Variants in PPP1R1A observed in about 807,000 individuals in gnomAD.
PPP1R1A encodes the protein protein phosphatase 1 regulatory inhibitor subunit 1A.
A neutral mutation model predicts 23.9 loss-of-function variants in PPP1R1A; 18 were observed. The observed-to-expected ratio is 0.75, with a 90% CI of 0.52 to 1.12. The LOEUF is 1.12. PPP1R1A is among the 50% of genes most tolerant of loss of function. The pLI, the probability that PPP1R1A is intolerant of heterozygous loss-of-function variation, is 0.00. For synonymous variants in PPP1R1A, 84 were observed against 80.7 expected (o/e 1.04, Z -0.22); for missense variants, 207 against 223.8 (o/e 0.92, Z 0.48).
rs202211027 is a variant in PPP1R1A at position 54,582,069 on chromosome 12, C to T, written c.310G>A (p.Ala104Thr). The T allele has an allele frequency of 1.2e-3, 1,933 of 1,613,788 alleles. 5 individuals are homozygous for T. Among genetic ancestry groups the T allele is most frequent in the Non-Finnish European group, 1.5e-3 (1,784 of 1,179,804 alleles). ...QQQQGEEPEGAAESTGTQESR... is the reference protein window; with the variant it reads ...QQQQGEEPEGTAESTGTQESR... ...TCCTGGGTTCCTGTGCTCTCAGCGG[C>T]CCCCTCAGGTTCCTCTCCTTGCTGC... The change falls in exon 5 of 7, where the codon GCC (alanine) becomes ACC (threonine). Residue 104 changes from alanine (A) to threonine (T), a missense_variant. Physicochemically the swap from Ala to Thr is moderately conservative, Grantham distance 58. Transcript: ENST00000257905.
In PPP1R1A at chr12:54,580,976, T is replaced by C; in HGVS notation, c.478A>G (p.Ile160Val). ...GCTCCCTTGGAATCCAGTGGTGGTA[T>C]ATGGGTTGAGGGTTCTTTTGTGCTG... Reference protein sequence around the residue: ...EPSTKEPSTHIPPLDSKGANS... With the variant: ...EPSTKEPSTHVPPLDSKGANS... The change falls in exon 6 of 7, where the codon ATA (isoleucine) becomes GTA (valine). Residue 160 changes from isoleucine (I) to valine (V), a missense_variant. By Grantham distance (29) the Ile-to-Val change is conservative (BLOSUM62 3). Coordinates refer to ENST00000257905, the MANE Select transcript of PPP1R1A (RefSeq NM_006741.4). 1 of 1,613,954 alleles carries C rather than the reference T, an allele frequency of 6.2e-7. No homozygotes were observed. The highest frequency in any genetic ancestry group is 8.5e-7 in the Non-Finnish European group (1 of 1,179,844).
rs779126653 is a variant in PPP1R1A, at chr12:54,579,943, G to A, written c.*444C>T. 6.5e-5 allele frequency: 65 copies of A among 993,528 alleles called. No homozygotes were observed. The highest frequency in any genetic ancestry group is 1.2e-4 in the Admixed American group (2 of 17,320). 61.5% of individuals were successfully genotyped at this position (993,528 alleles called of 1,614,324 possible). A position where few individuals can be genotyped will look rare whatever the true frequency, so the allele number is the denominator to read the frequency against. On this transcript the variant is annotated 3_prime_UTR_variant, in exon 7 of 7. Transcript: ENST00000257905. ...CTGGACACGGCACAGGCCTTAGAGCGCCGAGTCTTCCAGCTGCAGGGCAGG... is the reference window on the plus strand; with the variant it reads ...CTGGACACGGCACAGGCCTTAGAGCACCGAGTCTTCCAGCTGCAGGGCAGG...
intron 1 of PPP1R1A, among the ~76,000 whole-genome samples, chr12:54,587,747 A>G (rs1565713647): frequency 6.6e-6 from 1 of 152,012 alleles, no homozygotes; most frequent in Non-Finnish European, 1.5e-5. Flanking sequence ...TCCCCACTCC[A>G]AAGGGCAGGA....
chr12:54,584,392 C>G lies in PPP1R1A; in HGVS notation c.85-72G>C, dbSNP rs544303625. 2.5e-5 allele frequency: 34 copies of G among 1,371,208 alleles called. No individual in the cohort carries two copies. In the South Asian group the frequency reaches 3.6e-4, roughly 15 times the overall value. The allele number at this position is 1,371,208 out of a possible 1,614,324, so 84.9% of individuals were successfully genotyped here. ...CATCAAAGCCCCACCCAAAACCACT[C>G]AGTAACATAATCCAGGCTAGCCTAC... On this transcript the variant is annotated intron_variant, in intron 1 of 6. Transcript: ENST00000257905.
At position 54,580,243 on chromosome 12, in the gene PPP1R1A, GAAGGAAAGTGCC is replaced by G; in HGVS notation, c.*132_*143del. ...AGAAAGGATTCTCCCAGTTGGAAAA[GAAGGAAAGTGCC>G]AAGGACCTAACACCAAATTTATCAC... On this transcript the variant is annotated 3_prime_UTR_variant, in exon 7 of 7. Transcript: ENST00000257905. 1 of 1,462,854 alleles carries G rather than the reference GAAGGAAAGTGCC, an allele frequency of 6.8e-7. No individual in the cohort carries two copies. The highest frequency in any genetic ancestry group is 9.1e-7 in the Non-Finnish European group (1 of 1,102,336). 90.6% of individuals were successfully genotyped at this position (1,462,854 alleles called of 1,614,324 possible). A position where few individuals can be genotyped will look rare whatever the true frequency, so the allele number is the denominator to read the frequency against.
intron 1 of PPP1R1A, 104 bp downstream of exon 1, chr12:54,588,301 C>A (rs1483524658): frequency 2.0e-6 from 1 of 508,082 alleles, no homozygotes; most frequent in East Asian, 4.9e-5. Context: ...CTCAAAAGGG[C>A]GCACTGCTAA....
Position 54,584,370 on chromosome 12 carries a change from C to T in PPP1R1A, c.85-50G>A, listed in dbSNP as rs1957888274. On this transcript the variant is annotated intron_variant, in intron 1 of 6. Transcript: ENST00000257905. ...AGAGGTCAAGTACACGTGGAAGCAT[C>T]AAAGCCCCACCCAAAACCACTCAGT... 9 of 1,488,316 alleles carry T rather than the reference C, an allele frequency of 6.0e-6. No homozygotes were observed. The Middle Eastern group carries it at 5.2e-4, about 86-fold the overall frequency. The allele number at this position is 1,488,316 out of a possible 1,614,324, so 92.2% of individuals were successfully genotyped here. A position where few individuals can be genotyped will look rare whatever the true frequency, so the allele number is the denominator to read the frequency against.
At position 54,581,888 on chromosome 12, in the gene PPP1R1A, A is replaced by T; in HGVS notation, c.403+88T>A. The T allele has an allele frequency of 6.8e-7, 1 of 1,473,712 alleles. No individual in the cohort carries two copies. Among genetic ancestry groups the T allele is most frequent in the Admixed American group, 2.2e-5 (1 of 44,502 alleles). The allele number at this position is 1,473,712 out of a possible 1,614,324, so 91.3% of individuals were successfully genotyped here. A position where few individuals can be genotyped will look rare whatever the true frequency, so the allele number is the denominator to read the frequency against. ...ACTACTAGGCCTCTCCCAGGCTCCAACTCTTTCCCCTCCCCGCAGTGGGTA... is the reference window on the plus strand; with the variant it reads ...ACTACTAGGCCTCTCCCAGGCTCCATCTCTTTCCCCTCCCCGCAGTGGGTA... On this transcript the variant is annotated intron_variant, in intron 5 of 6. Coordinates refer to ENST00000257905, the MANE Select transcript of PPP1R1A (RefSeq NM_006741.4). This position sits in a 1 kb window ranked among gnomAD's most constrained non-coding sequence, Gnocchi z 4.1.
In PPP1R1A at chr12:54,584,323, G is replaced by C; in HGVS notation, c.85-3C>G. ...GGGGTGGGGCGGCGCCTCCGAATCT[G>C]AGGGAAGGTGGGAAATGGGGAAGAG... is the stretch of plus-strand genomic sequence containing the variant. On this transcript the variant is annotated splice_polypyrimidine_tract_variant and splice_region_variant and intron_variant, in intron 1 of 6. Coordinates refer to ENST00000257905, the MANE Select transcript of PPP1R1A (RefSeq NM_006741.4). 1.3e-6 allele frequency: 2 copies of C among 1,596,642 alleles called. No homozygotes were observed. The highest frequency in any genetic ancestry group is 1.7e-6 in the Non-Finnish European group (2 of 1,171,590).
chr12:54,584,116 C>G (rs1459475863), intron 2 of PPP1R1A, 144 bp downstream of exon 2: 5 of 884,350 alleles, frequency 5.7e-6, no homozygotes, highest in Non-Finnish European at 9.1e-6. Flanking sequence ...ATTCTGCAAT[C>G]TAGCCACCAC....
rs145989858 is a variant in PPP1R1A at position 54,585,685 on chromosome 12, C to T, written c.85-1365G>A. 6.8e-4 allele frequency among the ~76,000 whole-genome samples: 103 copies of T among 151,996 alleles called. No individual in the cohort carries two copies. In the East Asian group the frequency reaches 0.019, roughly 27 times the overall value. ...ATTATTTAGAATCATCACCACTGGC[C>T]GTGGGGGGATGACAGAGGTGAACAC... On this transcript the variant is annotated intron_variant, in intron 1 of 6. Transcript: ENST00000257905.
chr12:54,585,377 C>T (rs1162733406), intron 1 of PPP1R1A, among the ~76,000 whole-genome samples: 2 of 152,196 alleles, frequency 1.3e-5, no homozygotes, highest in Non-Finnish European at 2.9e-5. Context: ...TGCCCTGCCT[C>T]TGAGCCCCCT....
intron 3 of PPP1R1A, among the ~76,000 whole-genome samples, 195 bp downstream of exon 3, chr12:54,583,012 CTGTG>C (rs372299483): frequency 7.2e-5 from 11 of 152,100 alleles, no homozygotes; most frequent in African/African-American, 2.7e-4. Context: ...AGCAAGGAGA[CTGTG>C]AGTGTGTGTG....
rs1957877797 is a variant in PPP1R1A at position 54,583,392 on chromosome 12, G to A, written c.146-144C>T. On this transcript the variant is annotated intron_variant, in intron 2 of 6. Transcript: ENST00000257905. ...CTGCCCCCAGGCTCTTGGCCCTCAT[G>A]GCTGCCCCAGACCTCCTCCCCGAAG... The A allele has an allele frequency of 1.1e-5, 8 of 745,654 alleles. No individual in the cohort carries two copies. The South Asian group carries it at 2.9e-4, about 27-fold the overall frequency. The allele number at this position is 745,654 out of a possible 1,614,324, so 46.2% of individuals were successfully genotyped here.
chr12:54,581,930 G>C lies in PPP1R1A; in HGVS notation c.403+46C>G. On this transcript the variant is annotated intron_variant, in intron 5 of 6. Coordinates refer to ENST00000257905, the MANE Select transcript of PPP1R1A (RefSeq NM_006741.4). This position sits in a 1 kb window ranked among gnomAD's most constrained non-coding sequence, Gnocchi z 4.1. The stretch of plus-strand genomic sequence containing the variant: ...CAGTGGGTAAGGCTTGCCTCCTGCT[G>C]GGCTGGGAAATAGGATGCCTGGGGC... The C allele has an allele frequency of 6.4e-7, 1 of 1,572,488 alleles. No homozygotes were observed. Among genetic ancestry groups the C allele is most frequent in the South Asian group, 1.2e-5 (1 of 83,710 alleles).
chr12:54,584,228 C>T (rs994684584), intron 2 of PPP1R1A, 32 bp downstream of exon 2: 1 of 1,554,224 alleles, frequency 6.4e-7, no homozygotes. Context: ...TAGTGGCCCC[C>T]ACGCCCTTCA....
chr12:54,587,447 G>T (rs967127847), intron 1 of PPP1R1A, among the ~76,000 whole-genome samples: 2 of 152,162 alleles, frequency 1.3e-5, no homozygotes, highest in South Asian at 4.1e-4. Flanking sequence ...GCAAATATTT[G>T]GCAAACAAGG....
rs1957859366 is a variant in PPP1R1A at position 54,581,986 on chromosome 12, C to G, written c.393G>C (p.Gly131=). 1.9e-6 allele frequency: 3 copies of G among 1,611,704 alleles called. No homozygotes were observed. The East Asian group carries it at 6.7e-5, about 36-fold the overall frequency. The change falls in exon 5 of 7, where the codon GGG becomes GGC. Residue 131 remains glycine, a synonymous_variant. Coordinates refer to ENST00000257905, the MANE Select transcript of PPP1R1A (RefSeq NM_006741.4). This position sits in a 1 kb window ranked among gnomAD's most constrained non-coding sequence, Gnocchi z 4.1. ...TEVESRLGTS[G]TAKKTAECIP... Reference sequence around the variant, plus strand: ...CCAGCCTGAACATACTTTTTGCTGTCCCAGAGGTGCCCAGCCTTGACTCCA... The same window carrying G: ...CCAGCCTGAACATACTTTTTGCTGTGCCAGAGGTGCCCAGCCTTGACTCCA...
At chr12:54,582,861 C>T (rs1299704113) in intron 3 of PPP1R1A, 66 bp from the exon 4 acceptor site, 16 of 1,517,166 alleles carry the variant, frequency 1.1e-5, no homozygotes, top group Non-Finnish European at 1.4e-5. Context: ...CTCCCTTGCC[C>T]TCTAGCCCCC....
Sources: allele counts gnomAD v4.1 joint callset (sites outside exome capture counted in the v4.1 genomes callset), GRCh38; gene constraint gnomAD v4.1.1; non-coding constraint Gnocchi (gnomAD v3.1); transcripts MANE v1.5; gene names NCBI Gene and HGNC (gene_info 2026-07-23, HGNC 2026-07-21).